The following APOO variants were observed in gnomAD, a reference collection of about 807,000 sequenced individuals.
APOO encodes apolipoprotein O.
APOO carries 11 observed loss-of-function variants against 23.1 expected under a neutral mutation model. The ratio of observed to expected loss-of-function variants is 0.48; its 90% CI spans 0.30 to 0.79. The LOEUF is 0.79. Ranked by LOEUF, APOO falls within the 30% of genes least tolerant of loss-of-function variation. APOO has a pLI of 0.07. For missense variants in APOO, 160 were observed against 142.7 expected (o/e 1.12, Z -0.62); for synonymous variants, 59 against 54.8 (o/e 1.08, Z -0.34).
At chrX:23,906,040 G>A (rs1021985820) in intron 1 of APOO, among the ~76,000 whole-genome samples, 5 of 112,365 alleles carry the variant, frequency 4.4e-5, no homozygotes, top group Non-Finnish European at 9.4e-5. Context: ...ATCAACTCTG[G>A]ACTTGGCTAC....
rs150969924 is a variant in APOO, at chrX:23,861,944, C to T, written c.389-3211G>A. 1.6e-4 allele frequency among the ~76,000 whole-genome samples: 17 copies of T among 109,314 alleles called. No homozygotes were observed. The East Asian group carries it at 4.9e-3, about 31-fold the overall frequency. 94.9% of individuals were successfully genotyped at this position (109,314 alleles called of 115,157 possible). A position where few individuals can be genotyped will look rare whatever the true frequency, so the allele number is the denominator to read the frequency against. ...TCAGCCTCCTGAGTAGCTAGGATTACAGACACCCTCCACCACACCCGGCTA... is the reference window on the plus strand; with the variant it reads ...TCAGCCTCCTGAGTAGCTAGGATTATAGACACCCTCCACCACACCCGGCTA... On this transcript the variant is annotated intron_variant, in intron 5 of 8. Transcript: ENST00000379226.
chrX:23,850,237 T>C (rs778790114), intron 7 of APOO, among the ~76,000 whole-genome samples: 1 of 112,518 alleles, frequency 8.9e-6, no homozygotes, highest in African/African-American at 3.2e-5. Context: ...GGTATATTCA[T>C]TGTACTAGTC....
chrX:23,847,629 AAAAAG>A (rs955582568), intron 7 of APOO, among the ~76,000 whole-genome samples: 18 of 108,398 alleles, frequency 1.7e-4, no homozygotes, highest in African/African-American at 5.0e-4. Context: ...CCATCTCAAA[AAAAAG>A]AAAAGAAAAG....
At chrX:23,860,897 T>C (rs1463921571) in intron 5 of APOO, among the ~76,000 whole-genome samples, 1 of 106,985 alleles carries the variant, frequency 9.3e-6, no homozygotes, top group Non-Finnish European at 1.9e-5. Flanking sequence ...CCCAGCACTT[T>C]GGGAGGCTGA....
At chrX:23,853,560 G>A (rs1451714297) in intron 7 of APOO, among the ~76,000 whole-genome samples, 2 of 109,321 alleles carry the variant, frequency 1.8e-5, no homozygotes, top group Non-Finnish European at 3.8e-5. Context: ...CGCCCACCTC[G>A]GCCTCCCAAA....
intron 4 of APOO, among the ~76,000 whole-genome samples, chrX:23,869,671 G>C (rs1408040109): frequency 1.9e-5 from 2 of 103,048 alleles, no homozygotes; most frequent in African/African-American, 3.5e-5. Flanking sequence ...AAAAAGGAAG[G>C]CCAGGTGCGG....
intron 8 of APOO, among the ~76,000 whole-genome samples, chrX:23,834,261 T>G (rs1218186033): frequency 9.3e-6 from 1 of 107,948 alleles, no homozygotes; most frequent in Non-Finnish European, 1.9e-5. Flanking sequence ...CCGGGCATGG[T>G]GGCGGGCGCC....
chrX:23,874,482 T>C, intron 3 of APOO, 25 bp from the exon 4 acceptor site: 1 of 1,149,974 alleles, frequency 8.7e-7, no homozygotes, highest in Non-Finnish European at 1.2e-6. Context: ...AGAAACTGAA[T>C]GAAACTATTC....
chrX:23,841,413 G>C (rs1923965871), intron 7 of APOO, among the ~76,000 whole-genome samples: 1 of 106,449 alleles, frequency 9.4e-6, no homozygotes, highest in African/African-American at 3.4e-5. Flanking sequence ...CCAGCACTTT[G>C]GGAGGCCGAG....
intron 2 of APOO, among the ~76,000 whole-genome samples, chrX:23,879,320 C>G (rs1343501022): frequency 9.0e-6 from 1 of 111,587 alleles, no homozygotes; most frequent in Non-Finnish European, 1.9e-5. Context: ...CCTGTAATCC[C>G]AGCTACTTGG....
intron 2 of APOO, among the ~76,000 whole-genome samples, chrX:23,880,382 A>G (rs1926058383): frequency 8.9e-6 from 1 of 111,988 alleles, no homozygotes; most frequent in Non-Finnish European, 1.9e-5. Context: ...TAAACAAACT[A>G]TAAGGAAATA....
In APOO at chrX:23,889,748, C is replaced by T. The variant is rs57642543; in HGVS notation, c.10-8796G>A. The stretch of plus-strand genomic sequence containing the variant: ...TGCGATCTTGGCTCACTGCAAGCTC[C>T]GCCTCCTGGGTTCATGCCATTCTCC... On this transcript the variant is annotated intron_variant, in intron 1 of 8. Coordinates refer to ENST00000379226, the MANE Select transcript of APOO (RefSeq NM_024122.5). Among the ~76,000 whole-genome samples, 531 of 105,480 alleles carry T rather than the reference C, an allele frequency of 5.0e-3. 4 individuals carry two copies. The highest frequency in any genetic ancestry group is 0.017 in the African/African-American group (497 of 28,721). 91.6% of individuals were successfully genotyped at this position (105,480 alleles called of 115,157 possible). A position where few individuals can be genotyped will look rare whatever the true frequency, so the allele number is the denominator to read the frequency against.
At chrX:23,903,069 G>C (rs907377974) in intron 1 of APOO, among the ~76,000 whole-genome samples, 2 of 112,069 alleles carry the variant, frequency 1.8e-5, no homozygotes, top group African/African-American at 3.2e-5. Flanking sequence ...TATAGAACTA[G>C]TTAAAAAATG....
chrX:23,869,481 G>C (rs746044155), intron 4 of APOO, among the ~76,000 whole-genome samples: 1 of 108,646 alleles, frequency 9.2e-6, no homozygotes, highest in East Asian at 2.9e-4. Context: ...GCTGTGAGTG[G>C]TGGCTCATTC....
chrX:23,834,253 G>A (rs753346224), intron 8 of APOO, among the ~76,000 whole-genome samples: 3 of 107,929 alleles, frequency 2.8e-5, no homozygotes, highest in Non-Finnish European at 3.8e-5. Context: ...AAAATTAGCC[G>A]GGCATGGTGG....
Position 23,840,272 on chromosome X carries a change from T to A in APOO, c.*29+41A>T, listed in dbSNP as rs887950482. 275 of 909,860 alleles carry A rather than the reference T, an allele frequency of 3.0e-4. 1 individual carries two copies. The highest frequency in any genetic ancestry group is 3.9e-4 in the Non-Finnish European group (260 of 665,484). 75.0% of individuals were successfully genotyped at this position (909,860 alleles called of 1,213,427 possible). A position where few individuals can be genotyped will look rare whatever the true frequency, so the allele number is the denominator to read the frequency against. ...AAAAACAAGTCATTTCAGCTGGCAC[T>A]ACAATGCTGAAAATAATCACAGAAA... On this transcript the variant is annotated intron_variant, in intron 8 of 8. Coordinates refer to ENST00000379226, the MANE Select transcript of APOO (RefSeq NM_024122.5).
intron 8 of APOO, among the ~76,000 whole-genome samples, chrX:23,834,443 T>C (rs1355190208): frequency 9.5e-6 from 1 of 104,815 alleles, no homozygotes; most frequent in Non-Finnish European, 1.9e-5. Context: ...ACATTACATA[T>C]ACACTACATT....
chrX:23,890,241 A>G (rs1926595375), intron 1 of APOO, among the ~76,000 whole-genome samples: 1 of 112,201 alleles, frequency 8.9e-6, no homozygotes, highest in South Asian at 3.7e-4. Context: ...ACATTTATTT[A>G]CATTCAAGAA....
intron 7 of APOO, among the ~76,000 whole-genome samples, chrX:23,854,093 C>A (rs1408157990): frequency 8.9e-6 from 1 of 112,522 alleles, no homozygotes; most frequent in Non-Finnish European, 1.9e-5. Context: ...AATTAAAAAT[C>A]TTTACCACCT....
Sources: gnomAD v4.1 joint callset for allele counts (sites outside exome capture counted in the v4.1 genomes callset) on GRCh38, gnomAD v4.1.1 for gene constraint, MANE v1.5 for transcripts, NCBI Gene and HGNC (gene_info 2026-07-23, HGNC 2026-07-21) for gene names.